IRAK1BP1: variants seen among roughly 807,000 people sequenced by gnomAD.
The protein encoded by IRAK1BP1 is interleukin-1 receptor-associated kinase 1-binding protein 1.
Under a neutral mutation model 28.0 loss-of-function variants are expected in IRAK1BP1, and 24 were observed. That is an observed-to-expected ratio of 0.86 (90% CI 0.62 to 1.20). The LOEUF (loss-of-function observed/expected upper bound fraction) is 1.20, where lower values mean the gene tolerates loss of function less well. Among genes scored for constraint, IRAK1BP1 ranks in the 50% most tolerant of loss-of-function variants. IRAK1BP1 has a pLI of 0.00. For synonymous variants in IRAK1BP1, 131 were observed against 116.3 expected (o/e 1.13, Z -0.81); for missense variants, 336 against 316.7 (o/e 1.06, Z -0.46).
chr6:78,973,744 G>C, the IRAK1BP1 span, among the ~76,000 whole-genome samples: 1 of 151,892 alleles, frequency 6.6e-6, no homozygotes, highest in South Asian at 2.1e-4. Flanking sequence ...TGATAAAACA[G>C]ACTTTAAACC....
At chr6:78,867,959 CACAGG>C in intron 1 of IRAK1BP1, 68 bp downstream of exon 1, 1 of 1,438,924 alleles carries the variant, frequency 6.9e-7, no homozygotes, top group Non-Finnish European at 9.3e-7. Context: ...GGTCGGGCCC[CACAGG>C]CCCCCCTAGC....
At chr6:78,978,657 G>T in the IRAK1BP1 span, 1 of 1,595,602 alleles carries the variant, frequency 6.3e-7, no homozygotes, top group Non-Finnish European at 8.6e-7. Context: ...CATGTTGATG[G>T]CAACCATTCT....
At chr6:78,916,514 G>T (rs1023321748) in intron 4 of IRAK1BP1, among the ~76,000 whole-genome samples, 2 of 152,070 alleles carry the variant, frequency 1.3e-5, no homozygotes, top group African/African-American at 4.8e-5. Context: ...TATAATATGG[G>T]AATAATAGTA....
intron 4 of IRAK1BP1, chr6:78,939,539 A>T (rs1053989500): frequency 6.6e-6 from 1 of 151,938 alleles, no homozygotes; most frequent in African/African-American, 2.4e-5. Flanking sequence ...TATCTAAAAA[A>T]TCCTGAAAAA....
At chr6:78,947,568 T>C (rs1773894281), downstream of IRAK1BP1, 1 of 845,274 alleles carries the variant, frequency 1.2e-6, no homozygotes, top group South Asian at 1.9e-5. Context: ...TTTAGTCATT[T>C]AACACACTCC....
At chr6:78,944,013 AG>A (rs1773663354) in intron 4 of IRAK1BP1, among the ~76,000 whole-genome samples, 1 of 150,150 alleles carries the variant, frequency 6.7e-6, no homozygotes, top group Non-Finnish European at 1.5e-5. Flanking sequence ...AAAAAAAAAA[AG>A]GAAGTGCTTG....
At chr6:78,909,184 G>A (rs985731489) in intron 4 of IRAK1BP1, among the ~76,000 whole-genome samples, 1 of 152,162 alleles carries the variant, frequency 6.6e-6, no homozygotes. Flanking sequence ...CTTTATGGTG[G>A]TGCAAAAGCC....
the IRAK1BP1 span, chr6:78,962,962 G>C: frequency 1.5e-6 from 1 of 674,498 alleles, no homozygotes; most frequent in Non-Finnish European, 2.5e-6. Flanking sequence ...CATTCAAAAA[G>C]AGATTCCACT....
downstream of IRAK1BP1, among the ~76,000 whole-genome samples, chr6:78,906,844 A>G (rs1454731114): frequency 6.6e-6 from 1 of 152,210 alleles, no homozygotes; most frequent in Non-Finnish European, 1.5e-5. Context: ...TATTTGCCAA[A>G]AAGAGGTATT....
Position 78,900,186 on chromosome 6 carries a change from A to G in IRAK1BP1, c.*1852A>G, listed in dbSNP as rs2127656123. 1 of 152,352 alleles carries G rather than the reference A, an allele frequency of 6.6e-6. No homozygotes were observed. The highest frequency in any genetic ancestry group is 2.4e-5 in the African/African-American group (1 of 41,576). 9.4% of individuals were successfully genotyped at this position (152,352 alleles called of 1,614,324 possible). ...ACCTTGCTGAACAGACCAAGGTCAA[A>G]CACTGAGATAATAATGATTCTTAAG... is the stretch of plus-strand genomic sequence containing the variant. On this transcript the variant is annotated 3_prime_UTR_variant, in exon 4 of 4. Coordinates refer to ENST00000369940, the MANE Select transcript of IRAK1BP1 (RefSeq NM_001010844.4).
the IRAK1BP1 span, chr6:78,969,996 G>A: frequency 2.5e-6 from 4 of 1,600,304 alleles, no homozygotes; most frequent in Non-Finnish European, 2.6e-6. Flanking sequence ...TCTGAATCTT[G>A]AAAAACAATC....
chr6:78,958,865 C>T, the IRAK1BP1 span, among the ~76,000 whole-genome samples: 1 of 151,808 alleles, frequency 6.6e-6, no homozygotes, highest in Non-Finnish European at 1.5e-5. Flanking sequence ...GGAGGGAGAA[C>T]GTCTATATGG....
At chr6:78,963,348 A>T in the IRAK1BP1 span, 1 of 904,372 alleles carries the variant, frequency 1.1e-6, no homozygotes, top group Non-Finnish European at 1.7e-6. Flanking sequence ...AAATTAAAGT[A>T]TATTTTGTAT....
intron 1 of IRAK1BP1, among the ~76,000 whole-genome samples, chr6:78,873,337 G>A (rs1489890801): frequency 6.8e-6 from 1 of 146,264 alleles, no homozygotes. Context: ...TTTATTTGCT[G>A]TATAACTTAG....
rs61022448 is a variant in IRAK1BP1, at chr6:78,946,046, T to G, written c.*706T>G. The G allele has an allele frequency of 5.8e-5, 93 of 1,612,058 alleles. No individual in the cohort carries two copies. In the African/African-American group the frequency reaches 1.2e-3, roughly 21 times the overall value. The stretch of plus-strand genomic sequence containing the variant: ...GATGCATTAGCTTTTGTAATAAAAG[T>G]CTTTGCAGCTGAAGAAGTAGATGGT... On this transcript the variant is annotated 3_prime_UTR_variant and NMD_transcript_variant, in exon 5 of 5. Coordinates refer to the IRAK1BP1 transcript ENST00000606868.
chr6:78,957,692 A>G, the IRAK1BP1 span: 10 of 152,116 alleles, frequency 6.6e-5, no homozygotes, highest in Middle Eastern at 3.4e-3. Flanking sequence ...CCAGGAAAAA[A>G]AAATTCAATA....
At chr6:78,873,346 A>T (rs1770865181) in intron 1 of IRAK1BP1, among the ~76,000 whole-genome samples, 1 of 147,310 alleles carries the variant, frequency 6.8e-6, no homozygotes, top group African/African-American at 2.5e-5. Flanking sequence ...TGTATAACTT[A>T]GTTTATAGTA....
the IRAK1BP1 span, among the ~76,000 whole-genome samples, chr6:78,973,950 A>C: frequency 6.6e-6 from 1 of 152,088 alleles, no homozygotes; most frequent in Non-Finnish European, 1.5e-5. Flanking sequence ...CCCCACTGTC[A>C]ACATTAGACA....
chr6:78,880,801 G>C (rs942564739), intron 1 of IRAK1BP1, among the ~76,000 whole-genome samples: 2 of 152,122 alleles, frequency 1.3e-5, no homozygotes, highest in African/African-American at 4.8e-5. Flanking sequence ...TGTCAATAGG[G>C]AAATGGAAAA....
Sources: allele counts gnomAD v4.1 joint callset (sites outside exome capture counted in the v4.1 genomes callset), GRCh38; gene constraint gnomAD v4.1.1; transcripts MANE v1.5; gene names NCBI Gene and HGNC (gene_info 2026-07-23, HGNC 2026-07-21).